Variants in MME observed in about 807,000 individuals in gnomAD.
MME encodes membrane metalloendopeptidase.
Under a neutral mutation model 113.2 loss-of-function variants are expected in MME, and 98 were observed. The observed-to-expected ratio is 0.87, with a 90% CI of 0.74 to 1.02. The LOEUF (loss-of-function observed/expected upper bound fraction) is 1.02. MME is among the 50% of genes least tolerant of loss of function. The pLI, the probability that MME is intolerant of heterozygous loss-of-function variation, is 0.00. For missense variants in MME, 836 were observed against 896.0 expected (o/e 0.93, Z 0.86); for synonymous variants, 292 against 300.6 (o/e 0.97, Z 0.30).
upstream of MME, among the ~76,000 whole-genome samples, chr3:155,077,946 T>C (rs1406288433): frequency 1.3e-5 from 2 of 151,578 alleles, no homozygotes; most frequent in Non-Finnish European, 2.9e-5. Flanking sequence ...TGCTAACACC[T>C]GTAATTCCAG....
chr3:155,082,923 A>G (rs1234637129), intron 1 of MME, among the ~76,000 whole-genome samples: 1 of 152,198 alleles, frequency 6.6e-6, no homozygotes, highest in Admixed American at 6.5e-5. Context: ...TTTAACTATA[A>G]GAGCATTTCT....
intron 1 of MME, among the ~76,000 whole-genome samples, chr3:155,029,437 T>C (rs965647075): frequency 6.6e-6 from 1 of 152,066 alleles, no homozygotes; most frequent in African/African-American, 2.4e-5. Context: ...AATTAATTTT[T>C]TACTAAAAAA....
Position 155,168,778 on chromosome 3 carries a change from G to C in MME, c.1961G>C (p.Gly654Ala), listed in dbSNP as rs759630904. ...TLGENIADNG[G>A]LGQAYRAYQN... Reference sequence around the variant, plus strand: ...GGAGAAAACATTGCTGATAATGGAGGTCTTGGTCAAGCATACAGAGTAAGT... The same window carrying C: ...GGAGAAAACATTGCTGATAATGGAGCTCTTGGTCAAGCATACAGAGTAAGT... Residue 654 changes from glycine to alanine, a missense_variant, in exon 20 of 23, where the codon GGT becomes GCT. Coordinates refer to ENST00000360490, the MANE Select transcript of MME (RefSeq NM_007289.4). 3.1e-6 allele frequency: 5 copies of C among 1,612,784 alleles called. No homozygotes were observed. Among genetic ancestry groups the C allele is most frequent in the Non-Finnish European group, 4.2e-6 (5 of 1,179,174 alleles).
rs996812719 is a variant in MME at position 155,044,571 on chromosome 3, A to C, written c.-11+20247A>C. Among the ~76,000 whole-genome samples, 5 of 151,644 alleles carry C rather than the reference A, an allele frequency of 3.3e-5. No individual in the cohort carries two copies. The South Asian group carries it at 1.0e-3, about 32-fold the overall frequency. On this transcript the variant is annotated intron_variant, in intron 1 of 22. Coordinates refer to the MME transcript ENST00000492661. ...GTCTCGCTGTTGTTGCCCAGGCTGG[A>C]GTGCAATGGCACAATCTCAGCTCAT...
intron 1 of MME, among the ~76,000 whole-genome samples, chr3:155,063,136 A>T (rs151003135): frequency 5.2e-5 from 6 of 116,288 alleles, no homozygotes; most frequent in South Asian, 2.5e-4. Flanking sequence ...ATGTTATATA[A>T]TTATGTTATA....
At chr3:155,168,997 C>A in intron 20 of MME, 200 bp downstream of exon 20, 2 of 540,002 alleles carry the variant, frequency 3.7e-6, no homozygotes, top group Non-Finnish European at 6.6e-6. Flanking sequence ...GAGCTGAACA[C>A]TTAAGTTTGC....
At chr3:155,164,407 AAC>A (rs1365036339) in intron 17 of MME, among the ~76,000 whole-genome samples, 1 of 152,152 alleles carries the variant, frequency 6.6e-6, no homozygotes, top group Non-Finnish European at 1.5e-5. Flanking sequence ...GGTTATAAAC[AAC>A]AGTTGTGATG....
chr3:155,142,031 C>T lies in MME; in HGVS notation c.998C>T (p.Thr333Ile). 1.2e-6 allele frequency: 2 copies of T among 1,613,510 alleles called. No homozygotes were observed. Among genetic ancestry groups the T allele is most frequent in the South Asian group, 2.2e-5 (2 of 91,066 alleles). The part of the protein sequence containing the change: ...WLNFTNEIMS[T>I]VNISITNEED... ...AATTTCACAAATGAAATCATGTCAA[C>T]TGTGAATATTAGTATTACAAATGAG... Residue 333 changes from threonine (T) to isoleucine (I), a missense_variant, in exon 11 of 23, where the codon ACT becomes ATT. Physicochemically the swap from Thr to Ile is moderately conservative, Grantham distance 89. Coordinates refer to ENST00000360490, the MANE Select transcript of MME (RefSeq NM_007289.4).
At chr3:155,044,039 T>C (rs1300235616) in intron 1 of MME, among the ~76,000 whole-genome samples, 2 of 152,016 alleles carry the variant, frequency 1.3e-5, no homozygotes, top group Non-Finnish European at 2.9e-5. Context: ...AAAAATGTAG[T>C]CATAACAGTT....
intron 3 of MME, among the ~76,000 whole-genome samples, chr3:155,100,417 G>C (rs1287395477): frequency 6.6e-6 from 1 of 152,218 alleles, no homozygotes; most frequent in African/African-American, 2.4e-5. Flanking sequence ...TGCTGGAGAG[G>C]ATGTGGAGAA....
At chr3:155,111,239 A>G (rs1718163770) in intron 3 of MME, among the ~76,000 whole-genome samples, 1 of 152,332 alleles carries the variant, frequency 6.6e-6, no homozygotes, top group Middle Eastern at 3.4e-3. Flanking sequence ...CAAACCCACG[A>G]TAAGAGATTA....
intron 14 of MME, among the ~76,000 whole-genome samples, chr3:155,145,705 C>T (rs1721450706): frequency 6.6e-6 from 1 of 152,118 alleles, no homozygotes; most frequent in Non-Finnish European, 1.5e-5. Flanking sequence ...AATAAAGAAA[C>T]TTGCTTAATG....
intron 1 of MME, among the ~76,000 whole-genome samples, chr3:155,048,112 G>A (rs1419190401): frequency 6.6e-6 from 1 of 152,160 alleles, no homozygotes; most frequent in East Asian, 1.9e-4. Flanking sequence ...CCTCTGTTAT[G>A]TGCTAATTTG....
chr3:155,084,619 C>A (rs1399476852), intron 2 of MME, among the ~76,000 whole-genome samples: 1 of 152,098 alleles, frequency 6.6e-6, no homozygotes, highest in African/African-American at 2.4e-5. Flanking sequence ...AATTTTATGG[C>A]CAGCTTTAGT....
At chr3:155,067,355 G>T in intron 1 of MME, among the ~76,000 whole-genome samples, 2 of 118,546 alleles carry the variant, frequency 1.7e-5, no homozygotes, top group Admixed American at 1.2e-4. Context: ...CCATCACCCA[G>T]GCTGGAGTGC....
chr3:155,067,823 C>G (rs1333283166), intron 1 of MME, among the ~76,000 whole-genome samples: 1 of 152,140 alleles, frequency 6.6e-6, no homozygotes, highest in African/African-American at 2.4e-5. Flanking sequence ...AATGCTTATA[C>G]AGTACTGGTG....
chr3:155,025,325 T>C (rs1712744157), intron 1 of MME, among the ~76,000 whole-genome samples: 1 of 152,118 alleles, frequency 6.6e-6, no homozygotes, highest in Non-Finnish European at 1.5e-5. Flanking sequence ...AGTAAATGAA[T>C]TCTGGAGAAC....
chr3:155,060,294 T>A (rs1287482307), intron 1 of MME, among the ~76,000 whole-genome samples: 1 of 152,204 alleles, frequency 6.6e-6, no homozygotes, highest in Non-Finnish European at 1.5e-5. Context: ...CTGGAAGTTT[T>A]CATACTGTGT....
At chr3:155,138,077 G>A in intron 8 of MME, 25 bp from the exon 9 acceptor site, 1 of 1,613,036 alleles carries the variant, frequency 6.2e-7, no homozygotes, top group Non-Finnish European at 8.5e-7. Context: ...TACTCCAACA[G>A]TTTAGTGCTA....
Sources: gnomAD v4.1 joint callset for allele counts (sites outside exome capture counted in the v4.1 genomes callset) on GRCh38, gnomAD v4.1.1 for gene constraint, MANE v1.5 for transcripts, NCBI Gene and HGNC (gene_info 2026-07-23, HGNC 2026-07-21) for gene names.